The following FBXO39 variants were observed in gnomAD, a reference collection of about 807,000 sequenced individuals.
FBXO39 encodes the protein F-box only protein 39.
Under a neutral mutation model 36.6 loss-of-function variants are expected in FBXO39, and 22 were observed. That is an observed-to-expected ratio of 0.60 (90% CI 0.43 to 0.86). FBXO39 has a LOEUF of 0.86. Among genes scored for constraint, FBXO39 ranks in the 40% least tolerant of loss-of-function variants. The pLI is 0.00. For synonymous variants in FBXO39, 206 were observed against 205.8 expected, an observed-to-expected ratio of 1.00 and a Z score of -0.01; for missense variants, 536 against 543.9, an observed-to-expected ratio of 0.99 and a Z score of 0.14.
intron 2 of FBXO39, among the ~76,000 whole-genome samples, chr17:6,785,871 T>C (rs1050400533): frequency 4.6e-5 from 7 of 152,162 alleles, no homozygotes; most frequent in African/African-American, 1.4e-4. Context: ...GGAAAGGATG[T>C]AGAGAAAAGG....
intron 2 of FBXO39, among the ~76,000 whole-genome samples, chr17:6,783,532 G>A (rs1181516420): frequency 1.3e-5 from 2 of 151,410 alleles, no homozygotes; most frequent in Non-Finnish European, 3.0e-5. Context: ...AATGAGAGAA[G>A]ACCCAAATAA....
chr17:6,778,431 C>T (rs1438013879), intron 1 of FBXO39, among the ~76,000 whole-genome samples: 1 of 152,178 alleles, frequency 6.6e-6, no homozygotes, highest in East Asian at 1.9e-4. Context: ...AAAAAAAGTA[C>T]AGAAGAAAGA....
At chr17:6,782,009 T>A (rs1161261642) in intron 2 of FBXO39, among the ~76,000 whole-genome samples, 2 of 152,166 alleles carry the variant, frequency 1.3e-5, no homozygotes. Context: ...ACTACTCATA[T>A]CTTACGTAGA....
Position 6,780,422 on chromosome 17 carries a change from C to G in FBXO39, c.554C>G (p.Ser185Cys). The G allele has an allele frequency of 6.2e-7, 1 of 1,614,102 alleles. No individual in the cohort carries two copies. Among genetic ancestry groups the G allele is most frequent in the Non-Finnish European group, 8.5e-7 (1 of 1,180,022 alleles). Residue 185 changes from serine (S) to cysteine (C), a missense_variant, in exon 2 of 4, where the codon TCC becomes TGC. Physicochemically the swap from Ser to Cys is moderately radical, Grantham distance 112. Transcript: ENST00000321535. Reference sequence around the variant, plus strand: ...GAGCAAGGCTGCCAAATTCTCGACTCCCTCAGCTACATGAGGAATGAGAAT... The same window carrying G: ...GAGCAAGGCTGCCAAATTCTCGACTGCCTCAGCTACATGAGGAATGAGAAT... ...TVEQGCQILD[S>C]LSYMRNENVI...
At chr17:6,779,121 G>A (rs1976470571) in intron 1 of FBXO39, among the ~76,000 whole-genome samples, 1 of 152,102 alleles carries the variant, frequency 6.6e-6, no homozygotes, top group Non-Finnish European at 1.5e-5. Flanking sequence ...ATACAGGAAG[G>A]GGACAGGCCA....
intron 2 of FBXO39, among the ~76,000 whole-genome samples, chr17:6,784,917 T>TTATATATATATGTGTGTGTATA (rs1381726104): frequency 8.3e-4 from 108 of 129,960 alleles, no homozygotes; most frequent in African/African-American, 3.4e-3. Flanking sequence ...AATCTTAAAT[T>TTATATATATATGTGTGTGTATA]TATATATATA....
intron 1 of FBXO39, among the ~76,000 whole-genome samples, chr17:6,779,073 C>T (rs933932011): frequency 7.9e-5 from 12 of 152,128 alleles, no homozygotes; most frequent in Non-Finnish European, 1.3e-4. Context: ...TGCTGTTACA[C>T]CTCTTGAATT....
intron 3 of FBXO39, 53 bp from the exon 4 acceptor site, chr17:6,787,247 T>TGCAC (rs201703257): frequency 6.8e-7 from 1 of 1,474,378 alleles, no homozygotes; most frequent in African/African-American, 1.6e-5. Flanking sequence ...TATGTGTGTG[T>TGCAC]GTGTGTGCGT....
intron 1 of FBXO39, among the ~76,000 whole-genome samples, chr17:6,778,462 G>A (rs754072506): frequency 3.6e-4 from 55 of 152,332 alleles, no homozygotes; most frequent in Non-Finnish European, 6.5e-4. Flanking sequence ...CCAAGTTCCA[G>A]TCTGGGGCCC....
In FBXO39 at chr17:6,779,909, G is replaced by C; in HGVS notation, c.41G>C (p.Ser14Thr). 1 of 1,614,206 alleles carries C rather than the reference G, an allele frequency of 6.2e-7. No homozygotes were observed. The highest frequency in any genetic ancestry group is 1.1e-5 in the South Asian group (1 of 91,084). The stretch of plus-strand genomic sequence containing the variant: ...GAACTGATCCAGCCCCAAGACCAGA[G>C]CTGCTGGGCCTTTCTGCCCGATTTG... ...ESELIQPQDQ[S>T]CWAFLPDLCL... is the part of the protein sequence containing the mutation. The change falls in exon 2 of 4, where the codon AGC (serine) becomes ACC (threonine). Residue 14 changes from serine to threonine, a missense_variant. Coordinates refer to ENST00000321535, the MANE Select transcript of FBXO39 (RefSeq NM_153230.3).
intron 1 of FBXO39, 112 bp from the exon 2 acceptor site, chr17:6,779,677 C>T (rs1976478706): frequency 3.3e-6 from 2 of 608,830 alleles, no homozygotes; most frequent in East Asian, 2.8e-5. Context: ...TATCATTGAA[C>T]CACCCACACC....
Position 6,787,329 on chromosome 17 carries a change from G to C in FBXO39, c.1230G>C (p.Thr410=). 1 of 1,613,804 alleles carries C rather than the reference G, an allele frequency of 6.2e-7. No homozygotes were observed. The change falls in exon 4 of 4, where the codon ACG becomes ACC. Residue 410 remains threonine (T), a synonymous_variant. Coordinates refer to ENST00000321535, the MANE Select transcript of FBXO39 (RefSeq NM_153230.3). Reference sequence around the variant, plus strand: ...GAATTTATACAAACAGATATGAGACGAATGAAGAGGACAAGACCCTGCAGG... The same window carrying C: ...GAATTTATACAAACAGATATGAGACCAATGAAGAGGACAAGACCCTGCAGG... The part of the protein sequence containing the change: ...KARIYTNRYE[T]NEEDKTLQEI...
intron 2 of FBXO39, among the ~76,000 whole-genome samples, chr17:6,783,021 G>A (rs1018760537): frequency 6.6e-6 from 1 of 152,024 alleles, no homozygotes; most frequent in African/African-American, 2.4e-5. Context: ...CATATGTTAG[G>A]TCACAAAAAA....
intron 2 of FBXO39, among the ~76,000 whole-genome samples, chr17:6,781,611 C>T (rs1225197331): frequency 6.6e-6 from 1 of 152,164 alleles, no homozygotes; most frequent in Non-Finnish European, 1.5e-5. Context: ...CCCTTGTGTG[C>T]TGCAGAAGAA....
intron 1 of FBXO39, among the ~76,000 whole-genome samples, chr17:6,776,782 C>G (rs1409571097): frequency 6.6e-6 from 1 of 152,098 alleles, no homozygotes; most frequent in Non-Finnish European, 1.5e-5. Flanking sequence ...CCTCCCAACA[C>G]TAAGAGAAAG....
chr17:6,780,647 T>G lies in FBXO39; in HGVS notation c.779T>G (p.Val260Gly). 6.2e-7 allele frequency: 1 copy of G among 1,614,144 alleles called. No individual in the cohort carries two copies. The highest frequency in any genetic ancestry group is 8.5e-7 in the Non-Finnish European group (1 of 1,180,030). The stretch of plus-strand genomic sequence containing the variant: ...CGGACCATCAACATCAAATGCCACG[T>G]TCATGACCCCCACGGACAGGTCATC... The part of the protein sequence containing the change: ...TLRTINIKCH[V>G]HDPHGQVIWG... Residue 260 changes from valine (V) to glycine (G), a missense_variant, in exon 2 of 4, where the codon GTT becomes GGT. Transcript: ENST00000321535.
chr17:6,776,707 A>G (rs969199133), intron 1 of FBXO39, among the ~76,000 whole-genome samples: 5 of 152,272 alleles, frequency 3.3e-5, no homozygotes, highest in African/African-American at 1.2e-4. Flanking sequence ...CAGCTCTTGT[A>G]TAGCGTTTAC....
rs1976591133 is a variant in FBXO39 at position 6,787,507 on chromosome 17, GCCGGCCCTTTTGCTCCT to G, written c.*81_*97del. The G allele has an allele frequency of 1.1e-5, 17 of 1,561,740 alleles. No homozygotes were observed. In the Admixed American group the frequency reaches 2.1e-4, roughly 20 times the overall value. ...TCTCTTAGAACTACACTTGGGCACT[GCCGGCCCTTTTGCTCCT>G]CTCTCTCCCCTCCACTTTTTTTTTT... is the stretch of plus-strand genomic sequence containing the variant. On this transcript the variant is annotated 3_prime_UTR_variant, in exon 4 of 4. Coordinates refer to ENST00000321535, the MANE Select transcript of FBXO39 (RefSeq NM_153230.3).
At chr17:6,782,712 A>T (rs1432549914) in intron 2 of FBXO39, among the ~76,000 whole-genome samples, 6 of 152,302 alleles carry the variant, frequency 3.9e-5, no homozygotes, top group African/African-American at 1.4e-4. Flanking sequence ...TCAATTCAGC[A>T]AGAGGATATA....
Sources: gnomAD v4.1 joint callset for allele counts (sites outside exome capture counted in the v4.1 genomes callset) on GRCh38, gnomAD v4.1.1 for gene constraint, MANE v1.5 for transcripts, NCBI Gene and HGNC (gene_info 2026-07-23, HGNC 2026-07-21) for gene names.